BDKRB2: variants seen among roughly 807,000 people sequenced by gnomAD.
The protein encoded by BDKRB2 is bradykinin receptor B2, also known as B2 bradykinin receptor.
Under a neutral mutation model 4.0 loss-of-function variants are expected in BDKRB2, and 6 were observed. The ratio of observed to expected loss-of-function variants is 1.49; its 90% CI spans 0.81 to 2.93. The LOEUF (loss-of-function observed/expected upper bound fraction) is 2.93. Ranked by LOEUF, BDKRB2 falls within the 30% of genes most tolerant of loss-of-function variation. BDKRB2 has a pLI of 0.00. For missense variants in BDKRB2, 478 were observed against 520.1 expected, an observed-to-expected ratio of 0.92 and a Z score of 0.79; for synonymous variants, 225 against 215.3, an observed-to-expected ratio of 1.05 and a Z score of -0.40.
intron 1 of BDKRB2, among the ~76,000 whole-genome samples, chr14:96,214,088 A>G (rs1171013527): frequency 6.6e-6 from 1 of 152,030 alleles, no homozygotes; most frequent in Admixed American, 6.5e-5. Flanking sequence ...GTGGGCGGTG[A>G]TCCAAAAGCC....
chr14:96,220,758 C>A (rs143413262), intron 1 of BDKRB2, among the ~76,000 whole-genome samples: 36 of 152,096 alleles, frequency 2.4e-4, no homozygotes, highest in African/African-American at 8.2e-4. Context: ...AACTGCCCCC[C>A]ACCTTTGACC....
In BDKRB2 at chr14:96,242,664, T is replaced by A. The variant is rs1885325204; in HGVS notation, c.*1160T>A. The A allele has an allele frequency of 6.6e-6, 1 of 152,276 alleles. No individual in the cohort carries two copies. Among genetic ancestry groups the A allele is most frequent in the Non-Finnish European group, 1.5e-5 (1 of 68,084 alleles). The allele number at this position is 152,276 out of a possible 1,614,324, so 9.4% of individuals were successfully genotyped here. A position where few individuals can be genotyped will look rare whatever the true frequency, so the allele number is the denominator to read the frequency against. On this transcript the variant is annotated 3_prime_UTR_variant, in exon 3 of 3. Transcript: ENST00000554311. Reference sequence around the variant, plus strand: ...AGGAGCATTTGGAGAGAAGGCCATGTCTTCAAAGTCTGATTTGTGATGAGG... The same window carrying A: ...AGGAGCATTTGGAGAGAAGGCCATGACTTCAAAGTCTGATTTGTGATGAGG...
chr14:96,231,196 T>C (rs1305237932), intron 1 of BDKRB2, among the ~76,000 whole-genome samples: 1 of 152,224 alleles, frequency 6.6e-6, no homozygotes, highest in Non-Finnish European at 1.5e-5. Flanking sequence ...GGGGCTCTGC[T>C]TCTCCAGGCT....
rs1222860634 is a variant in BDKRB2 at position 96,240,937 on chromosome 14, T to C, written c.609T>C (p.Asp203=). 1.9e-6 allele frequency: 3 copies of C among 1,594,606 alleles called. No homozygotes were observed. Among genetic ancestry groups the C allele is most frequent in the Admixed American group, 3.4e-5 (2 of 58,956 alleles). Residue 203 remains aspartate (D), a synonymous_variant, in exon 3 of 3, where the codon GAT becomes GAC. Transcript: ENST00000554311. ...LVFRTMKEYS[D]EGHNVTACVI... is the part of the protein sequence containing the mutation. ...TCCGGACCATGAAGGAGTACAGCGA[T>C]GAGGGCCACAACGTCACCGCTTGTG...
chr14:96,233,390 CA>C (rs138024681), intron 1 of BDKRB2: 3,758 of 152,442 alleles, frequency 0.025, 125 homozygotes, highest in African/African-American at 0.079. Flanking sequence ...GTGGTGGGAC[CA>C]GGGGGCACGA....
intron 1 of BDKRB2, among the ~76,000 whole-genome samples, chr14:96,236,228 C>T (rs947694496): frequency 1.3e-5 from 2 of 152,152 alleles, no homozygotes; most frequent in African/African-American, 4.8e-5. Context: ...GTCTGTCTCC[C>T]TTATTAGGTT....
At chr14:96,233,229 C>T (rs971128646) in intron 1 of BDKRB2, among the ~76,000 whole-genome samples, 1 of 152,134 alleles carries the variant, frequency 6.6e-6, no homozygotes, top group Non-Finnish European at 1.5e-5. Flanking sequence ...GACACAGTCT[C>T]GGCTGTGTTG....
Position 96,204,855 on chromosome 14 carries a change from C to A in BDKRB2, c.-144C>A. 1 of 377,654 alleles carries A rather than the reference C, an allele frequency of 2.6e-6. No individual in the cohort carries two copies. The highest frequency in any genetic ancestry group is 5.3e-6 in the Non-Finnish European group (1 of 188,636). The allele number at this position is 377,654 out of a possible 1,614,324, so 23.4% of individuals were successfully genotyped here. A position where few individuals can be genotyped will look rare whatever the true frequency, so the allele number is the denominator to read the frequency against. On this transcript the variant is annotated 5_prime_UTR_variant, in exon 1 of 3. The change creates a new upstream start codon in the 5' untranslated region. Coordinates refer to ENST00000554311, the MANE Select transcript of BDKRB2 (RefSeq NM_001379692.1). ...CCCGCCGCCACTCCAGCTCTGGCTTCTGGGCTCCGAGGAGGGGTGGGGACG... is the reference window on the plus strand; with the variant it reads ...CCCGCCGCCACTCCAGCTCTGGCTTATGGGCTCCGAGGAGGGGTGGGGACG...
At chr14:96,232,624 C>G (rs1890843134) in intron 1 of BDKRB2, among the ~76,000 whole-genome samples, 1 of 152,146 alleles carries the variant, frequency 6.6e-6, no homozygotes. Context: ...GCTATTAGAG[C>G]CTGGGTAGAT....
Position 96,240,750 on chromosome 14 carries a change from T to C in BDKRB2, c.422T>C (p.Leu141Pro), listed in dbSNP as rs755289030. ...GTGAATGCCATTATCTCCATGAACC[T>C]GTACAGCAGCATCTGTTTCCTGATG... ...RVVNAIISMNLYSSICFLMLV... is the reference protein window; with the variant it reads ...RVVNAIISMNPYSSICFLMLV... The change falls in exon 3 of 3, where the codon CTG (leucine) becomes CCG (proline). Residue 141 changes from leucine to proline, a missense_variant. By Grantham distance (98) the Leu-to-Pro change is moderately conservative. Transcript: ENST00000554311. 1 of 1,578,844 alleles carries C rather than the reference T, an allele frequency of 6.3e-7. No homozygotes were observed. The highest frequency in any genetic ancestry group is 1.2e-5 in the South Asian group (1 of 84,458).
intron 2 of BDKRB2, chr14:96,237,928 GT>G: frequency 8.1e-6 from 10 of 1,229,694 alleles, no homozygotes; most frequent in Non-Finnish European, 9.4e-6. Flanking sequence ...TCTCTAGTGA[GT>G]TAGCTCATGA....
chr14:96,223,346 G>A, intron 1 of BDKRB2: 1 of 995,106 alleles, frequency 1.0e-6, no homozygotes, highest in Non-Finnish European at 1.6e-6. Flanking sequence ...CCAAAGAAAT[G>A]AAGCTGGCGA....
At chr14:96,235,663 TGA>T (rs1890914359) in intron 1 of BDKRB2, among the ~76,000 whole-genome samples, 1 of 152,218 alleles carries the variant, frequency 6.6e-6, no homozygotes, top group Non-Finnish European at 1.5e-5. Flanking sequence ...TTCCCTGAAC[TGA>T]CCGTTGTCTG....
In BDKRB2 at chr14:96,238,215, T is replaced by C. The variant is rs2242959; in HGVS notation, c.74+1034T>C. ...CGTAACTGGGGCCAGAGGATCCACT[T>C]TCAAGGTGGCAAGTTGGTTCCCCCC... On this transcript the variant is annotated intron_variant, in intron 2 of 2. Transcript: ENST00000554311. 1.1e-3 allele frequency: 708 copies of C among 634,138 alleles called. 5 individuals carry two copies. The African/African-American group carries it at 0.013, about 12-fold the overall frequency. 39.3% of individuals were successfully genotyped at this position (634,138 alleles called of 1,614,324 possible). A position where few individuals can be genotyped will look rare whatever the true frequency, so the allele number is the denominator to read the frequency against.
intron 1 of BDKRB2, chr14:96,234,037 C>G (rs1890877534): frequency 6.6e-6 from 1 of 152,114 alleles, no homozygotes; most frequent in South Asian, 2.1e-4. Context: ...AAACTGTGGT[C>G]CAGAGAGATG....
At chr14:96,237,020 G>A (rs764402551) in intron 1 of BDKRB2, 49 bp from the exon 2 acceptor site, 1 of 1,109,942 alleles carries the variant, frequency 9.0e-7, no homozygotes, top group African/African-American at 1.5e-5. Flanking sequence ...CGTGTATTTT[G>A]CAATCCCCAG....
chr14:96,207,695 G>A (rs749455257), intron 1 of BDKRB2, among the ~76,000 whole-genome samples: 4 of 152,040 alleles, frequency 2.6e-5, no homozygotes, highest in Middle Eastern at 3.2e-3. Flanking sequence ...GGGAGGCTAC[G>A]TATGTGTAGG....
chr14:96,233,608 G>T (rs1412554361), intron 1 of BDKRB2: 1 of 152,142 alleles, frequency 6.6e-6, no homozygotes, highest in Non-Finnish European at 1.5e-5. Context: ...CACATTTTGG[G>T]GTAGCGTGCC....
intron 1 of BDKRB2, among the ~76,000 whole-genome samples, chr14:96,233,230 G>A (rs115609428): frequency 0.01 from 1,545 of 152,188 alleles, 29 homozygotes; most frequent in African/African-American, 0.035. Flanking sequence ...ACACAGTCTC[G>A]GCTGTGTTGG....
Sources: gnomAD v4.1 joint callset for allele counts (sites outside exome capture counted in the v4.1 genomes callset) on GRCh38, gnomAD v4.1.1 for gene constraint, MANE v1.5 for transcripts, NCBI Gene and HGNC (gene_info 2026-07-23, HGNC 2026-07-21) for gene names.